Variants in PIK3C3 observed in about 807,000 individuals in gnomAD.
PIK3C3 encodes the protein PI3-kinase type 3.
Under a neutral mutation model 126.1 loss-of-function variants are expected in PIK3C3, and 95 were observed. That is an observed-to-expected ratio of 0.75 (90% CI 0.64 to 0.89). The LOEUF (loss-of-function observed/expected upper bound fraction) is 0.89, where lower values mean the gene tolerates loss of function less well. Ranked by LOEUF, PIK3C3 falls within the 40% of genes least tolerant of loss-of-function variation. PIK3C3 has a pLI of 0.00. For missense variants in PIK3C3, 829 were observed against 1,063.2 expected (o/e 0.78, Z 3.06); for synonymous variants, 374 against 360.0 (o/e 1.04, Z -0.44).
intron 4 of PIK3C3, 66 bp from the exon 5 acceptor site, chr18:41,987,746 G>T: frequency 1.0e-6 from 1 of 994,966 alleles, no homozygotes; most frequent in South Asian, 1.4e-5. Flanking sequence ...TTGCCATTCT[G>T]ACATTTTTGG....
Position 42,027,460 on chromosome 18 carries a change from G to A in PIK3C3, c.1502G>A (p.Cys501Tyr). Residue 501 changes from cysteine (C) to tyrosine (Y), a missense_variant, in exon 14 of 25, where the codon TGT becomes TAT. This residue lies in a region of PIK3C3 where 256 missense variants were observed against 291.0 expected (regional missense o/e 0.88). Coordinates refer to ENST00000262039, the MANE Select transcript of PIK3C3 (RefSeq NM_002647.4). ...NYLYWYVIVECEDQDTQQRDP... is the reference protein window; with the variant it reads ...NYLYWYVIVEYEDQDTQQRDP... ...TTTTTAAGGTATGTGATAGTGGAATGTGAAGATCAAGATACTCAGCAGAGA... is the reference window on the plus strand; with the variant it reads ...TTTTTAAGGTATGTGATAGTGGAATATGAAGATCAAGATACTCAGCAGAGA... 1 of 1,601,490 alleles carries A rather than the reference G, an allele frequency of 6.2e-7. No individual in the cohort carries two copies. Among genetic ancestry groups the A allele is most frequent in the South Asian group, 1.1e-5 (1 of 90,560 alleles).
chr18:42,044,648 G>C (rs1049324233), intron 20 of PIK3C3, among the ~76,000 whole-genome samples: 1 of 152,076 alleles, frequency 6.6e-6, no homozygotes, highest in African/African-American at 2.4e-5. Context: ...AAACTCCTGG[G>C]CTCAAACGAT....
intron 21 of PIK3C3, chr18:42,051,288 T>C (rs1984791748): frequency 6.6e-6 from 1 of 152,236 alleles, no homozygotes; most frequent in African/African-American, 2.4e-5. Flanking sequence ...GTTGAATTAA[T>C]GATGAATAAA....
chr18:42,050,208 C>T (rs1246989638), intron 21 of PIK3C3: 1 of 152,126 alleles, frequency 6.6e-6, no homozygotes, highest in Admixed American at 6.6e-5. Flanking sequence ...TACTGTATAG[C>T]TCTAGTTAGA....
Position 41,996,737 on chromosome 18 carries a change from G to C in PIK3C3, c.984+7G>C. 1 of 1,350,546 alleles carries C rather than the reference G, an allele frequency of 7.4e-7. No individual in the cohort carries two copies. Among genetic ancestry groups the C allele is most frequent in the Non-Finnish European group, 1.0e-6 (1 of 968,862 alleles). The allele number at this position is 1,350,546 out of a possible 1,614,324, so 83.7% of individuals were successfully genotyped here. A position where few individuals can be genotyped will look rare whatever the true frequency, so the allele number is the denominator to read the frequency against. On this transcript the variant is annotated splice_region_variant and intron_variant, in intron 9 of 24. Coordinates refer to ENST00000262039, the MANE Select transcript of PIK3C3 (RefSeq NM_002647.4). ...TCTTACGAATCAAGAAAAAGTGAGT[G>C]TCTTGAATATTTTCATATATCAAAT...
intron 1 of PIK3C3, among the ~76,000 whole-genome samples, chr18:41,956,101 T>G (rs1979757410): frequency 2.0e-5 from 3 of 152,186 alleles, no homozygotes; most frequent in Admixed American, 2.0e-4. Context: ...AGGAGTGTTG[T>G]CAAAGCTATC....
At chr18:42,003,264 A>G (rs1982377658) in intron 9 of PIK3C3, among the ~76,000 whole-genome samples, 1 of 152,194 alleles carries the variant, frequency 6.6e-6, no homozygotes. Flanking sequence ...ACTAATAAAA[A>G]GATTTTGGTT....
chr18:42,015,501 C>T lies in PIK3C3; in HGVS notation c.1351C>T (p.Pro451Ser). 6.2e-7 allele frequency: 1 copy of T among 1,613,600 alleles called. No homozygotes were observed. The highest frequency in any genetic ancestry group is 1.3e-5 in the African/African-American group (1 of 75,022). Reference protein sequence around the residue: ...DSSQIITSPLPSVSSPPPASK... With the variant: ...DSSQIITSPLSSVSSPPPASK... ...CTCCCAAATTATAACCAGCCCCCTTCCTTCAGTCTCTTCACCTCCTCCTGC... is the reference window on the plus strand; with the variant it reads ...CTCCCAAATTATAACCAGCCCCCTTTCTTCAGTCTCTTCACCTCCTCCTGC... The change falls in exon 12 of 25, where the codon CCT becomes TCT. Residue 451 changes from proline to serine, a missense_variant. Around this residue, in one of 4 missense-constraint regions of PIK3C3, gnomAD observed 256 missense variants for 291.0 expected, o/e 0.88. Coordinates refer to ENST00000262039, the MANE Select transcript of PIK3C3 (RefSeq NM_002647.4).
chr18:42,049,080 A>G (rs932567004), intron 20 of PIK3C3, among the ~76,000 whole-genome samples: 2 of 152,016 alleles, frequency 1.3e-5, no homozygotes, highest in Non-Finnish European at 2.9e-5. Flanking sequence ...TACCACTCAA[A>G]TGAATGCATT....
chr18:42,020,228 C>T (rs1186949810), intron 12 of PIK3C3, among the ~76,000 whole-genome samples: 2 of 152,136 alleles, frequency 1.3e-5, no homozygotes, highest in Non-Finnish European at 2.9e-5. Context: ...TCAGTCTCTT[C>T]AGTGTTCACT....
At chr18:41,993,109 G>A (rs113005055) in intron 6 of PIK3C3, among the ~76,000 whole-genome samples, 161 bp from the exon 7 acceptor site, 17 of 152,134 alleles carry the variant, frequency 1.1e-4, no homozygotes, top group African/African-American at 4.1e-4. Context: ...GGTACAAAGT[G>A]GACATGCATT....
Position 41,990,459 on chromosome 18 carries a change from A to T in PIK3C3, c.619A>T (p.Ser207Cys). The change falls in exon 6 of 25, where the codon AGT (serine) becomes TGT (cysteine). Residue 207 changes from serine to cysteine, a missense_variant and splice_region_variant. By Grantham distance (112) the Ser-to-Cys change is moderately radical. Around this residue, in one of 4 missense-constraint regions of PIK3C3, gnomAD observed 313 missense variants for 340.7 expected, o/e 0.92. Transcript: ENST00000262039. ...TFREIEMINE[S>C]EKRSSNFMYL... The stretch of plus-strand genomic sequence containing the variant: ...TCATGAAAATCATTTTTTTTTTCAG[A>T]GTGAAAAACGAAGTTCTAATTTCAT... 2.0e-6 allele frequency: 3 copies of T among 1,520,642 alleles called. No homozygotes were observed. The highest frequency in any genetic ancestry group is 1.8e-6 in the Non-Finnish European group (2 of 1,099,078). The allele number at this position is 1,520,642 out of a possible 1,614,324, so 94.2% of individuals were successfully genotyped here. A position where few individuals can be genotyped will look rare whatever the true frequency, so the allele number is the denominator to read the frequency against.
At chr18:41,996,020 TA>T (rs1200722991) in intron 8 of PIK3C3, 26 bp downstream of exon 8, 1 of 1,441,076 alleles carries the variant, frequency 6.9e-7, no homozygotes, top group East Asian at 2.4e-5. Flanking sequence ...AATATTAATT[TA>T]AAAATAGTTA....
At chr18:42,025,776 A>T (rs1473410699) in intron 13 of PIK3C3, 1 of 152,246 alleles carries the variant, frequency 6.6e-6, no homozygotes, top group African/African-American at 2.4e-5. Context: ...CCTTAGATGT[A>T]AAAAATGAAT....
intron 13 of PIK3C3, among the ~76,000 whole-genome samples, chr18:42,021,351 T>A (rs1448894397): frequency 2.0e-5 from 3 of 152,166 alleles, no homozygotes; most frequent in Non-Finnish European, 4.4e-5. Context: ...GAGGCACAGT[T>A]AATATGAAGC....
chr18:42,031,661 C>G (rs1193738233), intron 15 of PIK3C3, among the ~76,000 whole-genome samples: 2 of 152,168 alleles, frequency 1.3e-5, no homozygotes, highest in African/African-American at 2.4e-5. Context: ...AAGTGATCTG[C>G]CAGCCTCGGC....
Position 42,033,762 on chromosome 18 carries a change from T to A in PIK3C3, c.1708-64T>A, listed in dbSNP as rs74438957. The A allele has an allele frequency of 9.7e-4, 1,207 of 1,239,614 alleles. 4 individuals carry two copies. In the African/African-American group the frequency reaches 0.017, roughly 18 times the overall value. 76.8% of individuals were successfully genotyped at this position (1,239,614 alleles called of 1,614,324 possible). On this transcript the variant is annotated intron_variant, in intron 15 of 24. Coordinates refer to ENST00000262039, the MANE Select transcript of PIK3C3 (RefSeq NM_002647.4). ...TTAATGGAATCAATTTTTATGTCTT[T>A]ACTATATGTTTTATAAACTACTCTT...
intron 9 of PIK3C3, among the ~76,000 whole-genome samples, chr18:41,998,915 C>T (rs906957012): frequency 6.6e-6 from 1 of 152,258 alleles, no homozygotes; most frequent in African/African-American, 2.4e-5. Flanking sequence ...GTCAGACTCT[C>T]AGAAATTATG....
chr18:41,971,783 G>A (rs1980679322), intron 4 of PIK3C3, among the ~76,000 whole-genome samples: 2 of 151,878 alleles, frequency 1.3e-5, no homozygotes, highest in African/African-American at 4.8e-5. Context: ...TTTTAAAAAA[G>A]CTCTTAAATT....
Sources: gnomAD v4.1 joint callset for allele counts (sites outside exome capture counted in the v4.1 genomes callset) on GRCh38, gnomAD v4.1.1 for gene constraint, gnomAD v4.1.1 regional missense constraint, MANE v1.5 for transcripts, NCBI Gene and HGNC (gene_info 2026-07-23, HGNC 2026-07-21) for gene names.